RIPK1: variants seen among roughly 807,000 people sequenced by gnomAD.
The protein encoded by RIPK1 is receptor interacting serine/threonine kinase 1, also known as receptor-interacting serine/threonine-protein kinase 1.
A neutral mutation model predicts 62.4 loss-of-function variants in RIPK1; 27 were observed. The ratio of observed to expected loss-of-function variants is 0.43; its 90% CI spans 0.32 to 0.60. The LOEUF (loss-of-function observed/expected upper bound fraction) is 0.60, where lower values mean the gene tolerates loss of function less well. Among genes scored for constraint, RIPK1 ranks in the 20% least tolerant of loss-of-function variants. The probability of loss-of-function intolerance (pLI) is 0.07; values close to 1 mark genes in which losing one functional copy is unlikely to be tolerated. For missense variants in RIPK1, 735 were observed against 831.0 expected, an observed-to-expected ratio of 0.88 and a Z score of 1.42; for synonymous variants, 287 against 303.2, an observed-to-expected ratio of 0.95 and a Z score of 0.55.
intron 1 of RIPK1, among the ~76,000 whole-genome samples, chr6:3,071,255 G>A (rs1206115862): frequency 1.3e-5 from 2 of 152,202 alleles, no homozygotes; most frequent in East Asian, 1.9e-4. Flanking sequence ...CTCTTGTTAT[G>A]TGTGGTCATC....
upstream of RIPK1, among the ~76,000 whole-genome samples, chr6:3,064,907 A>G (rs547417536): frequency 6.6e-6 from 1 of 152,130 alleles, no homozygotes; most frequent in Non-Finnish European, 1.5e-5. Context: ...AGCGGATCCT[A>G]AGGGCCCCAG....
At chr6:3,065,942 A>G (rs1758360710), upstream of RIPK1, among the ~76,000 whole-genome samples, 1 of 152,200 alleles carries the variant, frequency 6.6e-6, no homozygotes, top group Non-Finnish European at 1.5e-5. Context: ...CAACCTCCCA[A>G]GGTCACATGA....
intron 1 of RIPK1, among the ~76,000 whole-genome samples, chr6:3,076,281 T>C (rs1352242548): frequency 6.6e-6 from 1 of 152,100 alleles, no homozygotes; most frequent in Non-Finnish European, 1.5e-5. Context: ...TTCTTAAAAA[T>C]ATGAAAAATA....
chr6:3,085,485 G>A, intron 6 of RIPK1, 77 bp downstream of exon 6: 3 of 1,484,992 alleles, frequency 2.0e-6, no homozygotes, highest in African/African-American at 1.4e-5. Flanking sequence ...TAGGAACTTG[G>A]TTTGAATCCT....
chr6:3,111,860 TG>T lies in RIPK1; in HGVS notation c.1729+908del, dbSNP rs146701651. ...TATTGACAAAATTTGGAAAATATCT[TG>T]GGAAGTTCTTGGACTGCTGACAATC... On this transcript the variant is annotated intron_variant, in intron 10 of 10. Transcript: ENST00000259808. 2.2e-3 allele frequency among the ~76,000 whole-genome samples: 330 copies of T among 152,320 alleles called. 1 individual carries two copies. Among genetic ancestry groups the T allele is most frequent in the African/African-American group, 7.6e-3 (317 of 41,572 alleles).
chr6:3,096,210 G>A (rs1036281448), intron 7 of RIPK1, among the ~76,000 whole-genome samples: 1 of 152,084 alleles, frequency 6.6e-6, no homozygotes, highest in Non-Finnish European at 1.5e-5. Context: ...GGTACTGGAG[G>A]CCCTAGCTAT....
upstream of RIPK1, chr6:3,068,405 G>C (rs1179559217): frequency 4.1e-6 from 4 of 985,346 alleles, no homozygotes; most frequent in South Asian, 1.9e-4. Flanking sequence ...CTCAGACCCC[G>C]GGCGCGAGGT....
chr6:3,079,853 G>C (rs906623850), intron 3 of RIPK1, among the ~76,000 whole-genome samples: 1 of 152,208 alleles, frequency 6.6e-6, no homozygotes, highest in Admixed American at 6.5e-5. Context: ...TCCCATCCAA[G>C]TACTAACCAG....
At chr6:3,108,233 G>A (rs1228903463) in intron 9 of RIPK1, among the ~76,000 whole-genome samples, 5 of 151,966 alleles carry the variant, frequency 3.3e-5, no homozygotes, top group Non-Finnish European at 7.4e-5. Context: ...GGAGACCCAG[G>A]TCTAGTCCTG....
At chr6:3,101,475 G>A (rs929744625) in intron 7 of RIPK1, among the ~76,000 whole-genome samples, 1 of 152,100 alleles carries the variant, frequency 6.6e-6, no homozygotes, top group Non-Finnish European at 1.5e-5. Flanking sequence ...CATGCAAAGA[G>A]ACAAAAACAA....
At chr6:3,087,559 C>CTT (rs57546727) in intron 6 of RIPK1, among the ~76,000 whole-genome samples, 3 of 140,336 alleles carry the variant, frequency 2.1e-5, no homozygotes, top group African/African-American at 5.2e-5. Context: ...GTCTACTGAG[C>CTT]TTTTTTTTTT....
chr6:3,068,638 G>C lies in RIPK1; in HGVS notation c.-84G>C. 2.0e-6 allele frequency: 2 copies of C among 985,274 alleles called. No homozygotes were observed. The highest frequency in any genetic ancestry group is 4.7e-5 in the South Asian group (1 of 21,284). 61.0% of individuals were successfully genotyped at this position (985,274 alleles called of 1,614,324 possible). ...GGAGCGCGGCAGGACTTGGCTGGAC[G>C]GCGCGGCCACGGAGAAGGGCGCGGT... On this transcript the variant is annotated 5_prime_UTR_variant, in exon 1 of 11. Transcript: ENST00000259808.
chr6:3,073,103 C>A (rs1434350588), intron 1 of RIPK1, among the ~76,000 whole-genome samples: 1 of 152,006 alleles, frequency 6.6e-6, no homozygotes, highest in Non-Finnish European at 1.5e-5. Context: ...CAAATATATA[C>A]ATATGTACAT....
chr6:3,101,424 C>T (rs17513485), intron 7 of RIPK1, among the ~76,000 whole-genome samples: 10,360 of 152,224 alleles, frequency 0.068, 1,183 homozygotes, highest in African/African-American at 0.24. Context: ...CACTGCACTC[C>T]TGCCTGGGCG....
At position 3,068,695 on chromosome 6, in the gene RIPK1, G is replaced by C. The variant is rs992549903; in HGVS notation, c.-61+34G>C. On this transcript the variant is annotated intron_variant, in intron 1 of 10. Transcript: ENST00000259808. The stretch of plus-strand genomic sequence containing the variant: ...ACTGGCACCGCGCGGGGAACATTCC[G>C]GAGGCCGCCGGGCTCAGTCCCGGTG... The C allele has an allele frequency of 1.1e-5, 11 of 983,240 alleles. 1 individual carries two copies. The Admixed American group carries it at 1.8e-4, about 16-fold the overall frequency. 60.9% of individuals were successfully genotyped at this position (983,240 alleles called of 1,614,324 possible).
At chr6:3,108,654 A>G (rs1182812195) in intron 9 of RIPK1, among the ~76,000 whole-genome samples, 1 of 152,132 alleles carries the variant, frequency 6.6e-6, no homozygotes, top group Non-Finnish European at 1.5e-5. Context: ...TGTTATTAGC[A>G]CTGTTATTAT....
chr6:3,067,100 AGCAC>A (rs1758415233), upstream of RIPK1, among the ~76,000 whole-genome samples: 1 of 23,244 alleles, frequency 4.3e-5, no homozygotes, highest in African/African-American at 1.8e-4. Flanking sequence ...ATTTCTTTTT[AGCAC>A]TTAATATTCC....
chr6:3,083,264 CT>C lies in RIPK1; in HGVS notation c.642del (p.Phe214LeufsTer3), dbSNP rs758841240. On this transcript the variant is annotated frameshift_variant, in exon 5 of 11. Transcript: ENST00000259808. LOFTEE classifies it high-confidence loss of function. ...KPTEKSDVYS[F>X]AVVLWAIFAN... is the part of the protein sequence containing the mutation. ...CCACAGAGAAGTCGGATGTGTACAGCTTTGCTGTAGTACTCTGGGCGATATT... is the reference window on the plus strand; with the variant it reads ...CCACAGAGAAGTCGGATGTGTACAGCTTGCTGTAGTACTCTGGGCGATATT... 6.2e-7 allele frequency: 1 copy of C among 1,613,818 alleles called. No homozygotes were observed. Among genetic ancestry groups the C allele is most frequent in the Non-Finnish European group, 8.5e-7 (1 of 1,180,004 alleles).
rs189832280 is a variant in RIPK1, at chr6:3,079,132, T to A, written c.321+1197T>A. Among the ~76,000 whole-genome samples, 57 of 151,878 alleles carry A rather than the reference T, an allele frequency of 3.8e-4. No individual in the cohort carries two copies. In the East Asian group the frequency reaches 9.7e-3, roughly 26 times the overall value. On this transcript the variant is annotated intron_variant, in intron 3 of 10. Coordinates refer to ENST00000259808, the MANE Select transcript of RIPK1 (RefSeq NM_001354930.2). Reference sequence around the variant, plus strand: ...TCTCGCTCTGTCGCCCAGGCTGGAGTGCAATGGTGCAATCTCGGCTCACTG... The same window carrying A: ...TCTCGCTCTGTCGCCCAGGCTGGAGAGCAATGGTGCAATCTCGGCTCACTG...
Sources: allele counts gnomAD v4.1 joint callset (sites outside exome capture counted in the v4.1 genomes callset), GRCh38; gene constraint gnomAD v4.1.1; transcripts MANE v1.5; gene names NCBI Gene and HGNC (gene_info 2026-07-23, HGNC 2026-07-21).